The following SYNDIG1 variants were observed in gnomAD, a reference collection of about 807,000 sequenced individuals.
SYNDIG1 encodes the protein synapse differentiation-inducing gene protein 1.
A neutral mutation model predicts 19.4 loss-of-function variants in SYNDIG1; 9 were observed. The observed-to-expected ratio is 0.46, with a 90% CI of 0.28 to 0.81. SYNDIG1 has a LOEUF of 0.81. Among genes scored for constraint, SYNDIG1 ranks in the 30% least tolerant of loss-of-function variants. SYNDIG1 has a pLI of 0.12. For synonymous variants in SYNDIG1, 141 were observed against 145.9 expected, an observed-to-expected ratio of 0.97 and a Z score of 0.24; for missense variants, 311 against 343.3, an observed-to-expected ratio of 0.91 and a Z score of 0.74.
chr20:24,558,184 T>C (rs2057864627), intron 2 of SYNDIG1, among the ~76,000 whole-genome samples: 1 of 152,186 alleles, frequency 6.6e-6, no homozygotes, highest in Non-Finnish European at 1.5e-5. Flanking sequence ...GGGGGTACTT[T>C]TCTGAGGAAG....
intron 1 of SYNDIG1, among the ~76,000 whole-genome samples, chr20:24,500,476 TTCTTTCTTTC>T (rs1216080359): frequency 1.3e-4 from 1 of 7,454 alleles, no homozygotes; most frequent in Non-Finnish European, 1.2e-3. Flanking sequence ...GCAGATTCTT[TTCTTTCTTTC>T]TTTCTTTCTT....
chr20:24,521,912 A>AT (rs1448447771), intron 1 of SYNDIG1, among the ~76,000 whole-genome samples: 6 of 151,724 alleles, frequency 4.0e-5, no homozygotes, highest in Middle Eastern at 3.4e-3. Context: ...AAAAAAAAAA[A>AT]AAATTAAGTA....
At chr20:24,558,358 C>T (rs1470647341) in intron 2 of SYNDIG1, among the ~76,000 whole-genome samples, 2 of 152,168 alleles carry the variant, frequency 1.3e-5, no homozygotes, top group African/African-American at 2.4e-5. Flanking sequence ...CTGATATTAA[C>T]ATAGCCACTC....
chr20:24,568,166 A>C (rs1189014221), intron 2 of SYNDIG1, among the ~76,000 whole-genome samples: 1 of 152,124 alleles, frequency 6.6e-6, no homozygotes, highest in East Asian at 1.9e-4. Flanking sequence ...AAGAAAGAAA[A>C]AGAAATGCAG....
At chr20:24,567,310 C>T (rs2058063888) in intron 2 of SYNDIG1, among the ~76,000 whole-genome samples, 1 of 152,180 alleles carries the variant, frequency 6.6e-6, no homozygotes, top group Non-Finnish European at 1.5e-5. Context: ...CACATCGGTG[C>T]ACACTCTCTC....
At chr20:24,574,358 A>G (rs1197911939) in intron 2 of SYNDIG1, among the ~76,000 whole-genome samples, 1 of 151,378 alleles carries the variant, frequency 6.6e-6, no homozygotes, top group African/African-American at 2.4e-5. Context: ...GCATGGCGGC[A>G]TGCACCTTTA....
intron 3 of SYNDIG1, among the ~76,000 whole-genome samples, chr20:24,585,969 C>T (rs1399490453): frequency 6.6e-6 from 1 of 152,210 alleles, no homozygotes; most frequent in African/African-American, 2.4e-5. Context: ...AACAGATTTC[C>T]TGGCTGAGCC....
At chr20:24,603,309 G>T (rs1316135729) in intron 3 of SYNDIG1, among the ~76,000 whole-genome samples, 1 of 152,124 alleles carries the variant, frequency 6.6e-6, no homozygotes, top group Non-Finnish European at 1.5e-5. Context: ...CATGCCTTTG[G>T]CAGGGCTGTA....
chr20:24,645,319 G>A (rs2059412897), intron 3 of SYNDIG1, among the ~76,000 whole-genome samples: 1 of 152,102 alleles, frequency 6.6e-6, no homozygotes, highest in Non-Finnish European at 1.5e-5. Flanking sequence ...CACCCAGTTG[G>A]GCCTAGATAA....
chr20:24,598,927 A>T (rs1463878327), intron 3 of SYNDIG1, among the ~76,000 whole-genome samples: 1 of 152,206 alleles, frequency 6.6e-6, no homozygotes, highest in Non-Finnish European at 1.5e-5. Context: ...ATATTGGTCT[A>T]GGCGAAAGAT....
chr20:24,604,148 G>A (rs937521572), intron 3 of SYNDIG1, among the ~76,000 whole-genome samples: 3 of 151,674 alleles, frequency 2.0e-5, no homozygotes, highest in Non-Finnish European at 2.9e-5. Flanking sequence ...TGTGTGCTTA[G>A]AACATGTACA....
intron 2 of SYNDIG1, among the ~76,000 whole-genome samples, chr20:24,543,874 C>CCG (rs922176430): frequency 1.3e-5 from 2 of 152,120 alleles, no homozygotes; most frequent in African/African-American, 4.8e-5. Context: ...CCCTGCTCTC[C>CCG]CGCATCCCAT....
chr20:24,593,021 C>A (rs532593840), intron 3 of SYNDIG1, among the ~76,000 whole-genome samples: 1 of 152,300 alleles, frequency 6.6e-6, no homozygotes, highest in African/African-American at 2.4e-5. Flanking sequence ...AGGACTTCAG[C>A]TCAACGTCCA....
chr20:24,560,063 C>CTTTTTTTTTTTT lies in SYNDIG1; in HGVS notation c.480+16503_480+16514dup, dbSNP rs60892856. Among the ~76,000 whole-genome samples, 22 of 43,048 alleles carry CTTTTTTTTTTTT rather than the reference C, an allele frequency of 5.1e-4. 9 individuals are homozygous for CTTTTTTTTTTTT. The highest frequency in any genetic ancestry group is 3.2e-3 in the South Asian group (3 of 944). The allele number at this position is 43,048 out of a possible 152,430, so 28.2% of individuals were successfully genotyped here. On this transcript the variant is annotated intron_variant, in intron 2 of 3. Transcript: ENST00000376862. ...TTTTTTTTAACATTTCTCTCCTCTC[C>CTTTTTTTTTTTT]TTTTTTTTTTTTTTTTTTTTTTTTT...
intron 3 of SYNDIG1, among the ~76,000 whole-genome samples, chr20:24,660,836 C>T (rs2147398848): frequency 6.6e-6 from 1 of 152,348 alleles, no homozygotes; most frequent in African/African-American, 2.4e-5. Flanking sequence ...GCCTTTGTTC[C>T]CTGCCCAGCC....
At chr20:24,632,707 G>T (rs1244934230) in intron 3 of SYNDIG1, among the ~76,000 whole-genome samples, 1 of 152,158 alleles carries the variant, frequency 6.6e-6, no homozygotes, top group Non-Finnish European at 1.5e-5. Flanking sequence ...TGTCGTGAGC[G>T]GGGAAACAGC....
At chr20:24,518,089 G>A (rs1046413745) in intron 1 of SYNDIG1, among the ~76,000 whole-genome samples, 6 of 151,800 alleles carry the variant, frequency 4.0e-5, no homozygotes, top group Admixed American at 1.3e-4. Flanking sequence ...TTAGGACTTT[G>A]AGGCTCACTT....
intron 3 of SYNDIG1, among the ~76,000 whole-genome samples, chr20:24,585,962 A>C (rs1382115932): frequency 1.3e-5 from 2 of 152,234 alleles, no homozygotes; most frequent in African/African-American, 2.4e-5. Flanking sequence ...CGTCTGAAAC[A>C]GATTTCCTGG....
chr20:24,506,234 C>T (rs2056588499), intron 1 of SYNDIG1, among the ~76,000 whole-genome samples: 1 of 152,236 alleles, frequency 6.6e-6, no homozygotes, highest in Non-Finnish European at 1.5e-5. Flanking sequence ...GTCCAGCCAT[C>T]CATATCCTTA....
Sources: allele counts gnomAD v4.1 joint callset (sites outside exome capture counted in the v4.1 genomes callset), GRCh38; gene constraint gnomAD v4.1.1; transcripts MANE v1.5; gene names NCBI Gene and HGNC (gene_info 2026-07-23, HGNC 2026-07-21).